CAMK4: variants seen among roughly 807,000 people sequenced by gnomAD.
The protein encoded by CAMK4 is calcium/calmodulin dependent protein kinase IV, also known as calcium/calmodulin-dependent protein kinase type IV.
A neutral mutation model predicts 44.9 loss-of-function variants in CAMK4; 22 were observed. The observed-to-expected ratio is 0.49, with a 90% confidence interval of 0.35 to 0.70. CAMK4 has a LOEUF of 0.70. Ranked by LOEUF, CAMK4 falls within the 30% of genes least tolerant of loss-of-function variation. The pLI is 0.01. For synonymous variants in CAMK4, 218 were observed against 215.4 expected (o/e 1.01, Z -0.11); for missense variants, 498 against 586.8 (o/e 0.85, Z 1.56).
intron 8 of CAMK4, among the ~76,000 whole-genome samples, chr5:111,477,552 C>T (rs748045300): frequency 3.9e-5 from 6 of 152,164 alleles, no homozygotes; most frequent in Admixed American, 6.5e-5. Flanking sequence ...CGTCTGTAAA[C>T]AGTGGATGCT....
At chr5:111,261,561 GT>G (rs34043708) in intron 1 of CAMK4, among the ~76,000 whole-genome samples, 41,225 of 142,936 alleles carry the variant, frequency 0.29, 6,938 homozygotes, top group African/African-American at 0.5. Context: ...GACCCTAATA[GT>G]TTTTTTTTTT....
chr5:111,244,163 G>C (rs772238406), intron 1 of CAMK4, among the ~76,000 whole-genome samples: 3 of 152,100 alleles, frequency 2.0e-5, no homozygotes, highest in Non-Finnish European at 2.9e-5. Flanking sequence ...TCCTCCTACA[G>C]CTTTCCTGAA....
At chr5:111,387,845 T>C (rs1400293863) in intron 4 of CAMK4, among the ~76,000 whole-genome samples, 1 of 152,228 alleles carries the variant, frequency 6.6e-6, no homozygotes, top group African/African-American at 2.4e-5. Context: ...CATCTACTGA[T>C]GTCATACAAC....
chr5:111,377,750 A>G (rs1331334865), intron 4 of CAMK4, among the ~76,000 whole-genome samples: 5 of 152,132 alleles, frequency 3.3e-5, no homozygotes, highest in African/African-American at 9.7e-5. Flanking sequence ...TATATTAGAA[A>G]TGGTAAGAAG....
chr5:111,409,520 T>C (rs1387374783), intron 5 of CAMK4, among the ~76,000 whole-genome samples: 1 of 152,200 alleles, frequency 6.6e-6, no homozygotes, highest in Non-Finnish European at 1.5e-5. Context: ...GCTGTGAAGG[T>C]CTCTGACTTG....
At chr5:111,246,269 C>T (rs1749235407) in intron 1 of CAMK4, among the ~76,000 whole-genome samples, 1 of 152,170 alleles carries the variant, frequency 6.6e-6, no homozygotes, top group African/African-American at 2.4e-5. Flanking sequence ...TCGCCACTGC[C>T]CTGCCCAGTC....
chr5:111,447,759 G>A (rs1754080196), intron 6 of CAMK4, among the ~76,000 whole-genome samples: 1 of 152,166 alleles, frequency 6.6e-6, no homozygotes, highest in South Asian at 2.1e-4. Context: ...TAACAATTAA[G>A]TTGTTCATAT....
At chr5:111,459,920 C>T (rs1458681802) in intron 7 of CAMK4, among the ~76,000 whole-genome samples, 2 of 151,906 alleles carry the variant, frequency 1.3e-5, no homozygotes, top group Admixed American at 6.6e-5. Flanking sequence ...ATTTTTGATG[C>T]CCACTTCAGA....
intron 5 of CAMK4, among the ~76,000 whole-genome samples, chr5:111,444,102 C>A (rs183986853): frequency 1.3e-5 from 2 of 152,234 alleles, no homozygotes; most frequent in African/African-American, 4.8e-5. Flanking sequence ...TGTTCCCTCA[C>A]CTTAATCAAT....
In CAMK4 at chr5:111,350,186, T is replaced by C. The variant is rs546673263; in HGVS notation, c.240+6084T>C. On this transcript the variant is annotated intron_variant, in intron 2 of 10. Transcript: ENST00000282356. Reference sequence around the variant, plus strand: ...TAAGAGTATCTAGGTCAGAGTGTTCTACTAAAGATTAAAATAAATATTTCC... The same window carrying C: ...TAAGAGTATCTAGGTCAGAGTGTTCCACTAAAGATTAAAATAAATATTTCC... Among the ~76,000 whole-genome samples the C allele has an allele frequency of 2.4e-4, 36 of 152,180 alleles. No individual in the cohort carries two copies. The South Asian group carries it at 6.0e-3, about 25-fold the overall frequency.
rs139293125 is a variant in CAMK4, at chr5:111,316,743, T to C, written c.162-27281T>C. Among the ~76,000 whole-genome samples, 647 of 152,312 alleles carry C rather than the reference T, an allele frequency of 4.2e-3. 4 individuals are homozygous for C. The highest frequency in any genetic ancestry group is 0.014 in the African/African-American group (596 of 41,588). On this transcript the variant is annotated intron_variant, in intron 1 of 10. Transcript: ENST00000282356. ...GGAGCCCATAGTACCTCAGTGCTTT[T>C]CTGGCATTGATAAATCACCAGGAGC... is the stretch of plus-strand genomic sequence containing the variant.
chr5:111,239,221 A>AT (rs1281205423), intron 1 of CAMK4, among the ~76,000 whole-genome samples: 2 of 152,118 alleles, frequency 1.3e-5, no homozygotes, highest in African/African-American at 4.8e-5. Flanking sequence ...TTTTCACCTT[A>AT]TTCTGAATAT....
chr5:111,386,331 C>G lies in CAMK4; in HGVS notation c.387-8379C>G, dbSNP rs3797751. ...CTTTATATTATTTGGGGCTTTTACT[C>G]TCTGTCATTTGATCCTTCAGTACAC... On this transcript the variant is annotated intron_variant, in intron 4 of 10. Coordinates refer to ENST00000282356, the MANE Select transcript of CAMK4 (RefSeq NM_001744.6). 6.6e-5 allele frequency among the ~76,000 whole-genome samples: 10 copies of G among 152,320 alleles called. No homozygotes were observed. The East Asian group carries it at 1.4e-3, about 21-fold the overall frequency.
intron 2 of CAMK4, among the ~76,000 whole-genome samples, chr5:111,346,845 A>AC (rs3985071): frequency 0.37 from 55,310 of 151,034 alleles, 10,845 homozygotes; most frequent in South Asian, 0.52. Context: ...AAACAAACAA[A>AC]AACACTAACA....
intron 7 of CAMK4, among the ~76,000 whole-genome samples, chr5:111,460,140 TTACAGAAAGGATA>T (rs1401655882): frequency 2.0e-5 from 3 of 152,056 alleles, no homozygotes; most frequent in African/African-American, 7.2e-5. Flanking sequence ...TAAAATGTTA[TTACAGAAAGGATA>T]TGCATAAAAT....
At chr5:111,431,238 G>A (rs1367777533) in intron 5 of CAMK4, among the ~76,000 whole-genome samples, 1 of 152,018 alleles carries the variant, frequency 6.6e-6, no homozygotes, top group African/African-American at 2.4e-5. Context: ...TCTGACAAAG[G>A]TGCCAAGAAC....
intron 1 of CAMK4, among the ~76,000 whole-genome samples, chr5:111,273,977 T>A (rs1392770907): frequency 6.6e-6 from 1 of 151,896 alleles, no homozygotes; most frequent in Non-Finnish European, 1.5e-5. Context: ...AGACTTAGAA[T>A]AAAATCCCAA....
chr5:111,441,046 A>C (rs1366504601), intron 5 of CAMK4, among the ~76,000 whole-genome samples: 4 of 152,176 alleles, frequency 2.6e-5, no homozygotes, highest in African/African-American at 9.7e-5. Context: ...AGGACAGATA[A>C]ATTGCTTAAG....
At position 111,491,381 on chromosome 5, in the gene CAMK4, C is replaced by T. The variant is rs778943449; in HGVS notation, c.*6915C>T. ...ATGACCCTGGGTTTTCATGGCACCCCAATGCCTTTTTGGTGACTTGCAGGA... is the reference window on the plus strand; with the variant it reads ...ATGACCCTGGGTTTTCATGGCACCCTAATGCCTTTTTGGTGACTTGCAGGA... On this transcript the variant is annotated 3_prime_UTR_variant, in exon 11 of 11. Coordinates refer to ENST00000282356, the MANE Select transcript of CAMK4 (RefSeq NM_001744.6). The T allele has an allele frequency of 8.6e-5, 13 of 151,756 alleles. No homozygotes were observed. The highest frequency in any genetic ancestry group is 1.9e-4 in the Non-Finnish European group (13 of 67,972). The allele number at this position is 151,756 out of a possible 1,614,324, so 9.4% of individuals were successfully genotyped here.
Sources: gnomAD v4.1 joint callset for allele counts (sites outside exome capture counted in the v4.1 genomes callset) on GRCh38, gnomAD v4.1.1 for gene constraint, MANE v1.5 for transcripts, NCBI Gene and HGNC (gene_info 2026-07-23, HGNC 2026-07-21) for gene names.